CEP112: variants seen among roughly 807,000 people sequenced by gnomAD.
CEP112 encodes centrosomal protein of 112 kDa.
Under a neutral mutation model 153.0 loss-of-function variants are expected in CEP112, and 127 were observed. The ratio of observed to expected loss-of-function variants is 0.83; its 90% CI spans 0.72 to 0.96. CEP112 has a LOEUF of 0.96. Ranked by LOEUF, CEP112 falls within the 40% of genes least tolerant of loss-of-function variation. The pLI is 0.00. For synonymous variants in CEP112, 358 were observed against 374.4 expected, an observed-to-expected ratio of 0.96 and a Z score of 0.51; for missense variants, 1,089 against 1,101.2, an observed-to-expected ratio of 0.99 and a Z score of 0.16.
Position 66,045,067 on chromosome 17 carries a change from C to CCA in CEP112, c.1218+8668_1218+8669insTG, listed in dbSNP as rs1568425264. On this transcript the variant is annotated intron_variant, in intron 12 of 26. Coordinates refer to ENST00000535342, the MANE Select transcript of CEP112 (RefSeq NM_001199165.4). ...ATAATACATTTTTTCAAGCTAGAAA[C>CCA]AAAAAAAAAATTTTTTTTTTTGAAA... Among the ~76,000 whole-genome samples, 4 of 132,826 alleles carry CCA rather than the reference C, an allele frequency of 3.0e-5. No homozygotes were observed. The East Asian group carries it at 8.2e-4, about 27-fold the overall frequency. The allele number at this position is 132,826 out of a possible 152,430, so 87.1% of individuals were successfully genotyped here.
At chr17:65,831,912 A>G (rs1231471744) in intron 21 of CEP112, among the ~76,000 whole-genome samples, 1 of 145,724 alleles carries the variant, frequency 6.9e-6, no homozygotes, top group Non-Finnish European at 1.5e-5. Flanking sequence ...CACATAGAAC[A>G]TACTCTAAAA....
chr17:65,853,715 G>C (rs868490106), intron 20 of CEP112, among the ~76,000 whole-genome samples: 3 of 139,062 alleles, frequency 2.2e-5, no homozygotes, highest in Non-Finnish European at 4.6e-5. Context: ...GCAACAGAGC[G>C]AGACTCCATC....
intron 6 of CEP112, among the ~76,000 whole-genome samples, chr17:66,099,017 C>CA (rs1403902156): frequency 3.3e-5 from 5 of 152,110 alleles, no homozygotes; most frequent in Non-Finnish European, 7.4e-5. Context: ...CTTAATGGCT[C>CA]AGAGTGCCAG....
chr17:65,685,546 T>C (rs370568059), intron 24 of CEP112, among the ~76,000 whole-genome samples: 2 of 152,316 alleles, frequency 1.3e-5, no homozygotes, highest in African/African-American at 2.4e-5. Flanking sequence ...GCTACTGTTA[T>C]TGAAGTTGCT....
intron 20 of CEP112, among the ~76,000 whole-genome samples, chr17:65,878,116 A>C (rs1425574061): frequency 6.6e-6 from 1 of 152,166 alleles, no homozygotes; most frequent in Non-Finnish European, 1.5e-5. Context: ...ATATATACCA[A>C]TGTGACTATA....
Position 66,132,712 on chromosome 17 carries a change from T to C in CEP112, c.522A>G (p.Pro174=). 1 of 1,614,084 alleles carries C rather than the reference T, an allele frequency of 6.2e-7. No homozygotes were observed. The highest frequency in any genetic ancestry group is 2.2e-5 in the East Asian group (1 of 44,882). Residue 174 remains proline (P), a synonymous_variant, in exon 5 of 27, where the codon CCA becomes CCG. Coordinates refer to ENST00000535342, the MANE Select transcript of CEP112 (RefSeq NM_001199165.4). The part of the protein sequence containing the change: ...KLRVRSHSLS[P]THREDGQNIT... ...TATTTTGTCCATCTTCTCTGTGAGTTGGACTCAAGGAGTGTGATCTCACTC... is the reference window on the plus strand; with the variant it reads ...TATTTTGTCCATCTTCTCTGTGAGTCGGACTCAAGGAGTGTGATCTCACTC...
At chr17:65,878,776 AC>A (rs1236470331) in intron 20 of CEP112, among the ~76,000 whole-genome samples, 2 of 151,854 alleles carry the variant, frequency 1.3e-5, no homozygotes, top group African/African-American at 2.4e-5. Context: ...GAGGGGTTGG[AC>A]CCACCCCAAC....
chr17:65,829,485 C>T (rs2056990690), intron 21 of CEP112, among the ~76,000 whole-genome samples: 1 of 152,100 alleles, frequency 6.6e-6, no homozygotes, highest in South Asian at 2.1e-4. Context: ...AAGGTCTAAA[C>T]ATAGGAGGCG....
At chr17:66,145,978 CA>C (rs1366341074) in intron 4 of CEP112, among the ~76,000 whole-genome samples, 1 of 151,738 alleles carries the variant, frequency 6.6e-6, no homozygotes, top group Non-Finnish European at 1.5e-5. Context: ...TCAAATTATT[CA>C]AAATATAATA....
At chr17:66,037,081 C>T (rs1325524140) in intron 12 of CEP112, among the ~76,000 whole-genome samples, 1 of 152,038 alleles carries the variant, frequency 6.6e-6, no homozygotes, top group East Asian at 1.9e-4. Context: ...AAATGAGACT[C>T]ATGAATGGGA....
rs568371373 is a variant in CEP112 at position 65,669,897 on chromosome 17, C to T, written c.2697+19232G>A. On this transcript the variant is annotated intron_variant, in intron 24 of 26. Coordinates refer to ENST00000535342, the MANE Select transcript of CEP112 (RefSeq NM_001199165.4). ...CAGCCTGGGCGACAGAGCGAGACTT[C>T]GTCTTGAAAAAAAAAAAAAAAAAGA... Among the ~76,000 whole-genome samples, 9 of 118,530 alleles carry T rather than the reference C, an allele frequency of 7.6e-5. No individual in the cohort carries two copies. In the East Asian group the frequency reaches 1.3e-3, roughly 18 times the overall value. 77.8% of individuals were successfully genotyped at this position (118,530 alleles called of 152,430 possible).
At chr17:65,982,279 C>CA (rs1287287602) in intron 17 of CEP112, among the ~76,000 whole-genome samples, 4 of 152,062 alleles carry the variant, frequency 2.6e-5, no homozygotes, top group Non-Finnish European at 5.9e-5. Context: ...AAAAATTCGT[C>CA]AGAGTGCTTT....
Position 65,967,626 on chromosome 17 carries a change from G to A in CEP112, c.1737-6028C>T, listed in dbSNP as rs150534364. On this transcript the variant is annotated intron_variant, in intron 17 of 26. Transcript: ENST00000535342. Reference sequence around the variant, plus strand: ...TAAGTGCTAAAAGAATACAAAGAACGTAACAATGAAGTAAGAGGCTATATA... The same window carrying A: ...TAAGTGCTAAAAGAATACAAAGAACATAACAATGAAGTAAGAGGCTATATA... 7.1e-3 allele frequency among the ~76,000 whole-genome samples: 1,085 copies of A among 152,198 alleles called. 8 individuals are homozygous for A. The highest frequency in any genetic ancestry group is 0.015 in the South Asian group (71 of 4,828).
chr17:65,761,062 C>T (rs554576046), intron 21 of CEP112, among the ~76,000 whole-genome samples: 3 of 152,088 alleles, frequency 2.0e-5, no homozygotes, highest in South Asian at 2.1e-4. Flanking sequence ...ATAATCCTTA[C>T]AATACTCGTG....
chr17:65,877,096 C>T (rs2146553296), intron 20 of CEP112, among the ~76,000 whole-genome samples: 1 of 152,260 alleles, frequency 6.6e-6, no homozygotes, highest in Non-Finnish European at 1.5e-5. Context: ...CTAGAGTCGG[C>T]TTGGTAAGGG....
At chr17:65,649,093 C>T (rs143687165) in intron 24 of CEP112, among the ~76,000 whole-genome samples, 1 of 136,718 alleles carries the variant, frequency 7.3e-6, no homozygotes, top group African/African-American at 2.6e-5. Context: ...CACACACACA[C>T]ACACACACAC....
intron 21 of CEP112, among the ~76,000 whole-genome samples, chr17:65,822,636 T>C (rs539256728): frequency 1.3e-5 from 2 of 152,306 alleles, no homozygotes; most frequent in South Asian, 2.1e-4. Context: ...AAATTACAAA[T>C]GCTCATGTAT....
Position 65,642,822 on chromosome 17 carries a change from T to A in CEP112, c.2698-1757A>T, listed in dbSNP as rs7207153. Among the ~76,000 whole-genome samples, 1,383 of 152,286 alleles carry A rather than the reference T, an allele frequency of 9.1e-3. 25 individuals carry two copies. Among genetic ancestry groups the A allele is most frequent in the African/African-American group, 0.031 (1,304 of 41,554 alleles). On this transcript the variant is annotated intron_variant, in intron 24 of 26. Coordinates refer to ENST00000535342, the MANE Select transcript of CEP112 (RefSeq NM_001199165.4). Reference sequence around the variant, plus strand: ...GGTTCATGGGTTATATATTGACTATTTTTTTTTCTATCACTCAACACTGGT... The same window carrying A: ...GGTTCATGGGTTATATATTGACTATATTTTTTTCTATCACTCAACACTGGT...
intron 21 of CEP112, among the ~76,000 whole-genome samples, chr17:65,780,436 G>GA (rs1020756055): frequency 6.6e-6 from 1 of 151,980 alleles, no homozygotes; most frequent in African/African-American, 2.4e-5. Flanking sequence ...GAATGAGGGA[G>GA]AAAAAAACCT....
Sources: allele counts gnomAD v4.1 joint callset (sites outside exome capture counted in the v4.1 genomes callset), GRCh38; gene constraint gnomAD v4.1.1; transcripts MANE v1.5; gene names NCBI Gene and HGNC (gene_info 2026-07-23, HGNC 2026-07-21).